Variants in TOPAZ1 observed in about 807,000 individuals in gnomAD.
TOPAZ1 encodes the protein protein TOPAZ1.
A neutral mutation model predicts 172.2 loss-of-function variants in TOPAZ1; 66 were observed. The ratio of observed to expected loss-of-function variants is 0.38; its 90% CI spans 0.31 to 0.47. TOPAZ1 has a LOEUF of 0.47. Among genes scored for constraint, TOPAZ1 ranks in the 20% least tolerant of loss-of-function variants. The probability of loss-of-function intolerance (pLI) is 0.99; values close to 1 mark genes in which losing one functional copy is unlikely to be tolerated. For synonymous variants in TOPAZ1, 681 were observed against 683.9 expected (o/e 1.00, Z 0.07); for missense variants, 1,822 against 1,972.4 (o/e 0.92, Z 1.44).
intron 12 of TOPAZ1, among the ~76,000 whole-genome samples, chr3:44,296,847 C>CAAAAAAAAAAAAAAAA (rs141080618): frequency 1.3e-4 from 14 of 104,762 alleles, no homozygotes; most frequent in Non-Finnish European, 1.6e-4. Context: ...CAGAGAATAC[C>CAAAAAAAAAAAAAAAA]AAAAAAAAAA....
In TOPAZ1 at chr3:44,244,123, C is replaced by T; in HGVS notation, c.1617C>T (p.Thr539=). Residue 539 remains threonine (T), a synonymous_variant, in exon 2 of 20, where the codon ACC becomes ACT. Coordinates refer to ENST00000309765, the MANE Select transcript of TOPAZ1 (RefSeq NM_001145030.2). ...TCCCTAAACACCAAACAAACCAGAC[C>T]CATTTAACTGACTCCAAATTATTAT... ...VDVPKHQTNQ[T]HLTDSKLLLQ... The T allele has an allele frequency of 6.4e-7, 1 of 1,551,460 alleles. No individual in the cohort carries two copies. Among genetic ancestry groups the T allele is most frequent in the Non-Finnish European group, 8.7e-7 (1 of 1,146,846 alleles).
Position 44,328,115 on chromosome 3 carries a change from T to C in TOPAZ1, c.4676-135T>C. On this transcript the variant is annotated intron_variant, in intron 18 of 19. Coordinates refer to ENST00000309765, the MANE Select transcript of TOPAZ1 (RefSeq NM_001145030.2). ...ATGCCAAATATACTAGGATAAGCTATCATGTAATTTGTTAATCTACTTCTA... is the reference window on the plus strand; with the variant it reads ...ATGCCAAATATACTAGGATAAGCTACCATGTAATTTGTTAATCTACTTCTA... 3.7e-6 allele frequency: 2 copies of C among 538,278 alleles called. 1 individual carries two copies. The highest frequency in any genetic ancestry group is 6.3e-5 in the South Asian group (2 of 31,704). 33.3% of individuals were successfully genotyped at this position (538,278 alleles called of 1,614,324 possible).
chr3:44,305,873 A>G (rs762645978), intron 14 of TOPAZ1, among the ~76,000 whole-genome samples: 3 of 152,200 alleles, frequency 2.0e-5, no homozygotes, highest in Non-Finnish European at 4.4e-5. Context: ...AACGTTTCAC[A>G]TTCTTATTTT....
chr3:44,310,031 C>T, intron 16 of TOPAZ1, 41 bp downstream of exon 16: 2 of 1,496,184 alleles, frequency 1.3e-6, no homozygotes, highest in Non-Finnish European at 1.8e-6. Flanking sequence ...ATTCGTTATA[C>T]TTGTCATGCA....
chr3:44,290,789 G>A lies in TOPAZ1; in HGVS notation c.3700G>A (p.Val1234Met). The stretch of plus-strand genomic sequence containing the variant: ...TCTACAGCTTGTTGAAGCCGGGATG[G>A]TGCTTGACCCAGAGCACTTTAACTA... ...IFCKLVEAGM[V>M]LDPEHFNYIV... Residue 1234 changes from valine (V) to methionine (M), a missense_variant, in exon 12 of 20, where the codon GTG becomes ATG. This residue lies in a region of TOPAZ1 where 1,489 missense variants were observed against 1,490.8 expected (regional missense o/e 1.00). Coordinates refer to ENST00000309765, the MANE Select transcript of TOPAZ1 (RefSeq NM_001145030.2). 6.5e-7 allele frequency: 1 copy of A among 1,547,646 alleles called. No individual in the cohort carries two copies. Among genetic ancestry groups the A allele is most frequent in the Non-Finnish European group, 8.7e-7 (1 of 1,145,888 alleles).
intron 8 of TOPAZ1, among the ~76,000 whole-genome samples, chr3:44,277,790 G>A (rs75755288): frequency 4.6e-5 from 7 of 152,162 alleles, no homozygotes; most frequent in East Asian, 1.9e-4. Flanking sequence ...GGCACCTTCC[G>A]CTCCACTCTC....
intron 5 of TOPAZ1, 59 bp downstream of exon 5, chr3:44,262,542 T>C: frequency 1.1e-6 from 1 of 903,210 alleles, no homozygotes. Flanking sequence ...AATTTATATC[T>C]TGAGTATGTT....
intron 19 of TOPAZ1, among the ~76,000 whole-genome samples, chr3:44,330,398 A>G (rs1277500188): frequency 6.6e-6 from 1 of 152,156 alleles, no homozygotes; most frequent in African/African-American, 2.4e-5. Context: ...GTCCAAACCA[A>G]TATATTTTCT....
At chr3:44,248,610 C>G (rs994983157) in intron 2 of TOPAZ1, among the ~76,000 whole-genome samples, 3 of 152,190 alleles carry the variant, frequency 2.0e-5, no homozygotes, top group African/African-American at 7.2e-5. Context: ...GTTAATGGTT[C>G]TAGAACTAAA....
intron 12 of TOPAZ1, among the ~76,000 whole-genome samples, chr3:44,298,909 A>ATATATTTTT (rs1287571186): frequency 9.7e-5 from 4 of 41,320 alleles, no homozygotes; most frequent in Non-Finnish European, 1.7e-4. Context: ...ATATATATAT[A>ATATATTTTT]TTTTTTTTTT....
chr3:44,323,231 C>T lies in TOPAZ1; in HGVS notation c.4611C>T (p.Leu1537=), dbSNP rs1309206849. 6.4e-7 allele frequency: 1 copy of T among 1,550,542 alleles called. No individual in the cohort carries two copies. Among genetic ancestry groups the T allele is most frequent in the East Asian group, 2.5e-5 (1 of 40,816 alleles). ...GCATCCCTATTGATTTTTCCTTTCT[C>T]AGAAGATTAATTACTTCTTTAGGAA... ...SKSIPIDFSF[L]RRLITSLGRS... Residue 1537 remains leucine (L), a synonymous_variant, in exon 18 of 20, where the codon CTC becomes CTT. Transcript: ENST00000309765.
intron 8 of TOPAZ1, among the ~76,000 whole-genome samples, chr3:44,272,336 T>C (rs1422413949): frequency 6.6e-6 from 1 of 152,234 alleles, no homozygotes; most frequent in African/African-American, 2.4e-5. Flanking sequence ...TTTTCTATAA[T>C]GGCTATACTA....
chr3:44,319,891 A>G (rs946491673), intron 16 of TOPAZ1, among the ~76,000 whole-genome samples: 1 of 152,240 alleles, frequency 6.6e-6, no homozygotes, highest in African/African-American at 2.4e-5. Context: ...TAGGAAGGCC[A>G]CAAAATAAAA....
At position 44,245,208 on chromosome 3, in the gene TOPAZ1, A is replaced by C. The variant is rs937933751; in HGVS notation, c.2702A>C (p.His901Pro). The change falls in exon 2 of 20, where the codon CAC becomes CCC. Residue 901 changes from histidine (H) to proline (P), a missense_variant. By Grantham distance (77) the His-to-Pro change is moderately conservative (BLOSUM62 -2). Coordinates refer to ENST00000309765, the MANE Select transcript of TOPAZ1 (RefSeq NM_001145030.2). ...ISQEPNVAGEHQSTDSKYMET... is the reference protein window; with the variant it reads ...ISQEPNVAGEPQSTDSKYMET... ...CAGGAGCCCAATGTTGCTGGAGAGC[A>C]CCAATCAACAGACTCCAAGTACATG... 1.9e-6 allele frequency: 3 copies of C among 1,551,338 alleles called. No homozygotes were observed. The Admixed American group carries it at 5.9e-5, about 30-fold the overall frequency.
chr3:44,331,104 C>T (rs1700662829), intron 19 of TOPAZ1, among the ~76,000 whole-genome samples: 1 of 152,162 alleles, frequency 6.6e-6, no homozygotes, highest in African/African-American at 2.4e-5. Flanking sequence ...TATGCATTCT[C>T]ATGAATAATT....
At chr3:44,333,267 G>T (rs765835715), downstream of TOPAZ1, among the ~76,000 whole-genome samples, 10 of 152,112 alleles carry the variant, frequency 6.6e-5, no homozygotes, top group African/African-American at 2.2e-4. Flanking sequence ...AATGTAGAAC[G>T]AATACTATCA....
At chr3:44,285,698 G>A (rs1485872618) in intron 9 of TOPAZ1, among the ~76,000 whole-genome samples, 3 of 151,470 alleles carry the variant, frequency 2.0e-5, no homozygotes, top group African/African-American at 7.3e-5. Flanking sequence ...GTCTCCCTGA[G>A]TAGCTGTGAC....
intron 17 of TOPAZ1, among the ~76,000 whole-genome samples, chr3:44,322,816 G>A (rs1700556261): frequency 6.6e-6 from 1 of 152,200 alleles, no homozygotes; most frequent in African/African-American, 2.4e-5. Flanking sequence ...TACTTAGGAG[G>A]CTGAGGCGAG....
chr3:44,328,396 G>A lies in TOPAZ1; in HGVS notation c.4822G>A (p.Gly1608Arg), dbSNP rs1401601385. 6.6e-6 allele frequency: 10 copies of A among 1,520,380 alleles called. No homozygotes were observed. The highest frequency in any genetic ancestry group is 7.9e-6 in the Non-Finnish European group (9 of 1,136,756). The allele number at this position is 1,520,380 out of a possible 1,614,324, so 94.2% of individuals were successfully genotyped here. A position where few individuals can be genotyped will look rare whatever the true frequency, so the allele number is the denominator to read the frequency against. The change falls in exon 19 of 20, where the codon GGA (glycine) becomes AGA (arginine). Residue 1608 changes from glycine (G) to arginine (R), a missense_variant. Coordinates refer to ENST00000309765, the MANE Select transcript of TOPAZ1 (RefSeq NM_001145030.2). ...TAATGCTAGTAGTATTCAGAGTCCT[G>A]GAACTTCTACACAGATACTGCAGAT... ...VSNASSIQSP[G>R]TSTQILQIVL...
Sources: gnomAD v4.1 joint callset for allele counts (sites outside exome capture counted in the v4.1 genomes callset) on GRCh38, gnomAD v4.1.1 for gene constraint, gnomAD v4.1.1 regional missense constraint, MANE v1.5 for transcripts, NCBI Gene and HGNC (gene_info 2026-07-23, HGNC 2026-07-21) for gene names.